The following PUM2 variants were observed in gnomAD, a reference collection of about 807,000 sequenced individuals.
PUM2 encodes the protein pumilio homolog 2.
Under a neutral mutation model 124.5 loss-of-function variants are expected in PUM2, and 57 were observed. The observed-to-expected ratio is 0.46, with a 90% CI of 0.37 to 0.57. The LOEUF (loss-of-function observed/expected upper bound fraction) is 0.57, where lower values mean the gene tolerates loss of function less well. Ranked by LOEUF, PUM2 falls within the 20% of genes least tolerant of loss-of-function variation. The pLI is 0.00. For synonymous variants in PUM2, 460 were observed against 446.1 expected, an observed-to-expected ratio of 1.03 and a Z score of -0.39; for missense variants, 1,065 against 1,290.6, an observed-to-expected ratio of 0.83 and a Z score of 2.68.
intron 1 of PUM2, chr2:20,350,328 C>T: frequency 2.5e-6 from 1 of 404,342 alleles, no homozygotes; most frequent in Non-Finnish European, 3.3e-6. Context: ...CGGCGCCCCA[C>T]GCCCCCGAGG....
chr2:20,260,152 T>G (rs1292934956), intron 15 of PUM2, among the ~76,000 whole-genome samples, 185 bp downstream of exon 15: 1 of 152,230 alleles, frequency 6.6e-6, no homozygotes, highest in Non-Finnish European at 1.5e-5. Context: ...TGTTGACTTT[T>G]TAGGAGTTCA....
At chr2:20,345,780 G>A (rs1169010232) in intron 1 of PUM2, among the ~76,000 whole-genome samples, 1 of 152,174 alleles carries the variant, frequency 6.6e-6, no homozygotes, top group East Asian at 1.9e-4. Context: ...GCTGAGGCAG[G>A]AGAATCGGTT....
At chr2:20,336,906 G>C (rs1182859086) in intron 1 of PUM2, among the ~76,000 whole-genome samples, 1 of 151,716 alleles carries the variant, frequency 6.6e-6, no homozygotes, top group East Asian at 1.9e-4. Context: ...ACAGGCATAA[G>C]TCACCACACC....
At chr2:20,320,914 A>T (rs1158254935) in intron 2 of PUM2, among the ~76,000 whole-genome samples, 1 of 152,232 alleles carries the variant, frequency 6.6e-6, no homozygotes, top group Non-Finnish European at 1.5e-5. Flanking sequence ...TCCTTAAAGA[A>T]TAAAGCAATG....
intron 1 of PUM2, among the ~76,000 whole-genome samples, chr2:20,346,032 T>C (rs77669036): frequency 1.3e-5 from 2 of 152,350 alleles, no homozygotes; most frequent in African/African-American, 4.8e-5. Flanking sequence ...AGAGCACTCC[T>C]ATTCTTGCTA....
chr2:20,254,203 C>T lies in PUM2; in HGVS notation c.2871-189G>A, dbSNP rs543379148. Among the ~76,000 whole-genome samples the T allele has an allele frequency of 1.6e-4, 25 of 151,892 alleles. No homozygotes were observed. In the South Asian group the frequency reaches 1.9e-3, roughly 11 times the overall value. On this transcript the variant is annotated intron_variant, in intron 19 of 20. Transcript: ENST00000361078. ...TGAGACAGGGTCTTGTTCTGTCACC[C>T]GGGCTGGAGTGCAGTGATGCTATCA...
intron 12 of PUM2, among the ~76,000 whole-genome samples, chr2:20,279,839 C>A (rs1671093347): frequency 6.6e-6 from 1 of 152,142 alleles, no homozygotes; most frequent in Non-Finnish European, 1.5e-5. Flanking sequence ...GTTCTCAAGT[C>A]TCACTTAAAG....
At chr2:20,264,566 T>A (rs1324391929) in intron 13 of PUM2, among the ~76,000 whole-genome samples, 1 of 151,402 alleles carries the variant, frequency 6.6e-6, no homozygotes, top group African/African-American at 2.4e-5. Context: ...ATGCAGGAAA[T>A]TTTTAAAATT....
chr2:20,324,702 A>G lies in PUM2; in HGVS notation c.51+2608T>C, dbSNP rs150456670. ...AGAAACATGCTATCAGTGTAAAAAC[A>G]GAGAGGGTAAGTTTATGAATAGGTG... On this transcript the variant is annotated intron_variant, in intron 2 of 20. Coordinates refer to ENST00000361078, the MANE Select transcript of PUM2 (RefSeq NM_015317.5). Among the ~76,000 whole-genome samples the G allele has an allele frequency of 2.5e-3, 385 of 152,316 alleles. 1 individual carries two copies. Among genetic ancestry groups the G allele is most frequent in the African/African-American group, 8.8e-3 (365 of 41,554 alleles).
intron 13 of PUM2, among the ~76,000 whole-genome samples, chr2:20,265,160 G>A (rs948622235): frequency 4.0e-5 from 6 of 151,794 alleles, no homozygotes; most frequent in South Asian, 2.1e-4. Context: ...GCTGAGGCAG[G>A]AGAATCGCTT....
intron 13 of PUM2, among the ~76,000 whole-genome samples, chr2:20,277,407 T>C (rs1197192067): frequency 6.6e-6 from 1 of 152,098 alleles, no homozygotes; most frequent in Non-Finnish European, 1.5e-5. Flanking sequence ...AAGTGGATCT[T>C]AGGGCTCCAT....
At chr2:20,311,698 T>G in intron 4 of PUM2, 35 bp from the exon 5 acceptor site, 1 of 1,591,394 alleles carries the variant, frequency 6.3e-7, no homozygotes, top group Non-Finnish European at 8.5e-7. Flanking sequence ...TCTGAATATT[T>G]AATAGAACAC....
At chr2:20,326,474 A>T (rs1013090063) in intron 2 of PUM2, 2 of 1,190,882 alleles carry the variant, frequency 1.7e-6, no homozygotes, top group African/African-American at 3.2e-5. Flanking sequence ...GCAGTTAATT[A>T]CACATCTTAG....
chr2:20,319,946 A>G (rs1157691062), intron 2 of PUM2, among the ~76,000 whole-genome samples: 3 of 152,204 alleles, frequency 2.0e-5, no homozygotes, highest in Non-Finnish European at 4.4e-5. Flanking sequence ...GCAATTTACA[A>G]TAAGAGGGCC....
chr2:20,343,567 C>T (rs1383340460), intron 1 of PUM2, among the ~76,000 whole-genome samples: 1 of 152,016 alleles, frequency 6.6e-6, no homozygotes, highest in Non-Finnish European at 1.5e-5. Context: ...AGAAATCATA[C>T]CAAACCCTTG....
intron 1 of PUM2, among the ~76,000 whole-genome samples, chr2:20,332,282 A>AGAGTGTGTGTGT (rs1346037244): frequency 6.9e-6 from 1 of 145,372 alleles, no homozygotes. Flanking sequence ...ATACTACTAG[A>AGAGTGTGTGTGT]GTGTGTGTGT....
intron 20 of PUM2, 54 bp downstream of exon 20, chr2:20,253,768 G>A (rs1404280407): frequency 1.7e-5 from 25 of 1,476,768 alleles, no homozygotes; most frequent in Non-Finnish European, 2.2e-5. Flanking sequence ...GAGGTTAAAT[G>A]TGTAGCCTAA....
chr2:20,277,612 CTTGTTT>C (rs1670558331), intron 13 of PUM2, among the ~76,000 whole-genome samples: 3 of 151,956 alleles, frequency 2.0e-5, no homozygotes, highest in Admixed American at 2.0e-4. Context: ...AGTTTTTTTG[CTTGTTT>C]TTGTTTTTTT....
intron 8 of PUM2, among the ~76,000 whole-genome samples, chr2:20,295,707 A>G (rs1379326204): frequency 1.3e-5 from 2 of 152,220 alleles, no homozygotes; most frequent in Non-Finnish European, 2.9e-5. Context: ...TGTAAACTCT[A>G]TTCATAACAT....
Sources: allele counts gnomAD v4.1 joint callset (sites outside exome capture counted in the v4.1 genomes callset), GRCh38; gene constraint gnomAD v4.1.1; transcripts MANE v1.5; gene names NCBI Gene and HGNC (gene_info 2026-07-23, HGNC 2026-07-21).